Variants in TMEM156 observed in about 807,000 individuals in gnomAD.
The protein encoded by TMEM156 is transmembrane protein 156.
TMEM156 carries 28 observed loss-of-function variants against 30.5 expected under a neutral mutation model. That is an observed-to-expected ratio of 0.92 (90% CI 0.68 to 1.26). The LOEUF (loss-of-function observed/expected upper bound fraction) is 1.26. Ranked by LOEUF, TMEM156 falls within the 50% of genes most tolerant of loss-of-function variation. The probability of loss-of-function intolerance (pLI) is 0.00; values close to 1 mark genes in which losing one functional copy is unlikely to be tolerated. For missense variants in TMEM156, 351 were observed against 340.6 expected (o/e 1.03, Z -0.24); for synonymous variants, 137 against 119.9 (o/e 1.14, Z -0.93).
intron 1 of TMEM156, among the ~76,000 whole-genome samples, chr4:39,011,692 A>G (rs959711217): frequency 2.6e-5 from 4 of 152,036 alleles, no homozygotes; most frequent in African/African-American, 7.2e-5. Context: ...AGAATTGCTT[A>G]AACCCGGGAG....
chr4:38,980,240 T>C (rs1723113452), intron 5 of TMEM156, among the ~76,000 whole-genome samples: 1 of 150,920 alleles, frequency 6.6e-6, no homozygotes, highest in South Asian at 2.1e-4. Flanking sequence ...TCTGAGACAC[T>C]GATTCAGTTT....
At chr4:38,998,500 C>T in intron 2 of TMEM156, 140 bp downstream of exon 2, 4 of 674,466 alleles carry the variant, frequency 5.9e-6, no homozygotes, top group Non-Finnish European at 8.1e-6. Context: ...GCTGAGATTG[C>T]ACCACTGCAC....
At chr4:39,017,727 G>A (rs1714594618) in intron 1 of TMEM156, among the ~76,000 whole-genome samples, 1 of 152,086 alleles carries the variant, frequency 6.6e-6, no homozygotes, top group Non-Finnish European at 1.5e-5. Flanking sequence ...GCATATTCTT[G>A]TGAATTGAAA....
intron 1 of TMEM156, among the ~76,000 whole-genome samples, chr4:39,026,820 G>T (rs2711975): frequency 6.6e-6 from 1 of 151,924 alleles, no homozygotes; most frequent in African/African-American, 2.4e-5. Context: ...CCAGCTACTC[G>T]GGAGGCTGAG....
At chr4:39,013,604 G>C (rs1714277993) in intron 1 of TMEM156, among the ~76,000 whole-genome samples, 1 of 151,916 alleles carries the variant, frequency 6.6e-6, no homozygotes, top group South Asian at 2.1e-4. Flanking sequence ...GTTTCACCAT[G>C]TTGGCCAGGA....
intron 6 of TMEM156, among the ~76,000 whole-genome samples, chr4:38,967,924 C>G (rs924959372): frequency 6.6e-6 from 1 of 152,184 alleles, no homozygotes; most frequent in Non-Finnish European, 1.5e-5. Context: ...CTAAATGGAA[C>G]AGTAGTTCTA....
Position 38,993,754 on chromosome 4 carries a change from T to G in TMEM156, c.603A>C (p.Leu201=), listed in dbSNP as rs10212770. Residue 201 remains leucine (L), a synonymous_variant, in exon 3 of 7, where the codon CTA becomes CTC. Transcript: ENST00000381938. ...AAAACTTACTTTTTATATCCATCTC[T>G]AGGTGCAAAGAAATGTGTATACAAT... is the stretch of plus-strand genomic sequence containing the variant. The part of the protein sequence containing the change: ...PNDCIHISLH[L]EMDIKNITCS... The G allele has an allele frequency of 1.9e-6, 3 of 1,612,156 alleles. No individual in the cohort carries two copies. The highest frequency in any genetic ancestry group is 3.3e-4 in the Middle Eastern group (2 of 6,056).
At chr4:39,000,711 A>C (rs1243230964) in intron 1 of TMEM156, among the ~76,000 whole-genome samples, 1 of 151,894 alleles carries the variant, frequency 6.6e-6, no homozygotes, top group Non-Finnish European at 1.5e-5. Flanking sequence ...ACATAGTGAA[A>C]CCTCATCTCT....
intron 3 of TMEM156, among the ~76,000 whole-genome samples, chr4:38,992,020 C>T (rs1175307933): frequency 2.0e-5 from 3 of 152,176 alleles, no homozygotes; most frequent in African/African-American, 7.2e-5. Flanking sequence ...AACTTAGTCA[C>T]AGGAGAAATT....
In TMEM156 at chr4:39,007,345, G is replaced by C. The variant is rs115655049; in HGVS notation, c.89-8436C>G. On this transcript the variant is annotated intron_variant, in intron 1 of 6. Transcript: ENST00000381938. ...AAGTACCCGGTGGTACTTTTGACTT[G>C]ATTCTAGAAATCAGTTGGAGAAGAA... Among the ~76,000 whole-genome samples the C allele has an allele frequency of 5.2e-3, 798 of 152,206 alleles. 8 individuals are homozygous for C. Among genetic ancestry groups the C allele is most frequent in the African/African-American group, 0.017 (709 of 41,548 alleles).
At chr4:39,021,301 G>C (rs1236646571) in intron 1 of TMEM156, among the ~76,000 whole-genome samples, 2 of 151,574 alleles carry the variant, frequency 1.3e-5, no homozygotes, top group Non-Finnish European at 2.9e-5. Flanking sequence ...CTATTCAGGG[G>C]GCTGAGGTGG....
Position 38,975,985 on chromosome 4 carries a change from C to T in TMEM156, c.824-4848G>A, listed in dbSNP as rs561514857. Among the ~76,000 whole-genome samples the T allele has an allele frequency of 2.6e-5, 4 of 152,000 alleles. No individual in the cohort carries two copies. In the East Asian group the frequency reaches 7.8e-4, roughly 30 times the overall value. ...CTGAGGTCAGAAAGACTCTCACTAGCCTTAAAGAAGCAAACTGCAGGCTGG... is the reference window on the plus strand; with the variant it reads ...CTGAGGTCAGAAAGACTCTCACTAGTCTTAAAGAAGCAAACTGCAGGCTGG... On this transcript the variant is annotated intron_variant, in intron 5 of 6. Coordinates refer to ENST00000381938, the MANE Select transcript of TMEM156 (RefSeq NM_024943.3).
chr4:38,987,740 T>C (rs1404128895), intron 4 of TMEM156, among the ~76,000 whole-genome samples: 1 of 152,230 alleles, frequency 6.6e-6, no homozygotes, highest in Non-Finnish European at 1.5e-5. Context: ...TAGTGGTGAT[T>C]ATGCTTGTTT....
chr4:39,013,708 T>C lies in TMEM156; in HGVS notation c.89-14799A>G, dbSNP rs536372796. Among the ~76,000 whole-genome samples the C allele has an allele frequency of 2.6e-5, 4 of 152,224 alleles. No individual in the cohort carries two copies. The East Asian group carries it at 5.8e-4, about 22-fold the overall frequency. ...AGCCATCGCGCCCGGCCAATTGTTATAATTATTTACAGACAAAAGTGTGTA... is the reference window on the plus strand; with the variant it reads ...AGCCATCGCGCCCGGCCAATTGTTACAATTATTTACAGACAAAAGTGTGTA... On this transcript the variant is annotated intron_variant, in intron 1 of 6. Transcript: ENST00000381938.
chr4:38,986,729 A>G lies in TMEM156; in HGVS notation c.740-310T>C, dbSNP rs11946398. On this transcript the variant is annotated intron_variant, in intron 4 of 6. Coordinates refer to ENST00000381938, the MANE Select transcript of TMEM156 (RefSeq NM_024943.3). Reference sequence around the variant, plus strand: ...AGGCTGAGGCAAAAGAATCGCTTGAACCCAGGAGGTGGAGGTTGCAGTGAG... The same window carrying G: ...AGGCTGAGGCAAAAGAATCGCTTGAGCCCAGGAGGTGGAGGTTGCAGTGAG... Among the ~76,000 whole-genome samples, 1,098 of 142,762 alleles carry G rather than the reference A, an allele frequency of 7.7e-3. 25 individuals carry two copies. The highest frequency in any genetic ancestry group is 0.026 in the African/African-American group (1,029 of 38,832). The allele number at this position is 142,762 out of a possible 152,430, so 93.7% of individuals were successfully genotyped here.
chr4:38,968,282 A>G (rs936577890), intron 6 of TMEM156, among the ~76,000 whole-genome samples: 3 of 152,228 alleles, frequency 2.0e-5, no homozygotes, highest in African/African-American at 7.2e-5. Context: ...TCTAACACAG[A>G]GACATAGAAA....
intron 3 of TMEM156, among the ~76,000 whole-genome samples, chr4:38,991,210 TTC>T (rs1712435080): frequency 2.1e-5 from 3 of 140,204 alleles, no homozygotes; most frequent in Admixed American, 7.1e-5. Flanking sequence ...AACTGTCTTT[TTC>T]TTTTCTTTTC....
chr4:38,991,227 C>CT (rs111885547), intron 3 of TMEM156, among the ~76,000 whole-genome samples: 6,403 of 126,430 alleles, frequency 0.051, 259 homozygotes, highest in African/African-American at 0.11. Flanking sequence ...CTTTTCTTTT[C>CT]TTTTTTTTTT....
intron 5 of TMEM156, among the ~76,000 whole-genome samples, chr4:38,979,898 A>T (rs1225097586): frequency 6.6e-6 from 1 of 152,242 alleles, no homozygotes. Context: ...TACCAGAGAA[A>T]TGCAGAACTT....
Sources: gnomAD v4.1 joint callset for allele counts (sites outside exome capture counted in the v4.1 genomes callset) on GRCh38, gnomAD v4.1.1 for gene constraint, MANE v1.5 for transcripts, NCBI Gene and HGNC (gene_info 2026-07-23, HGNC 2026-07-21) for gene names.